Variants in GRIA4 observed in about 807,000 individuals in gnomAD.
The protein encoded by GRIA4 is glutamate ionotropic receptor AMPA type subunit 4.
GRIA4 carries 34 observed loss-of-function variants against 104.0 expected under a neutral mutation model. The observed-to-expected ratio is 0.33, with a 90% CI of 0.25 to 0.44. GRIA4 has a LOEUF of 0.44. Ranked by LOEUF, GRIA4 falls within the 20% of genes least tolerant of loss-of-function variation. GRIA4 has a pLI of 1.00. For missense variants in GRIA4, 750 were observed against 1,096.5 expected, an observed-to-expected ratio of 0.68 and a Z score of 4.46; for synonymous variants, 386 against 381.9, an observed-to-expected ratio of 1.01 and a Z score of -0.13.
intron 4 of GRIA4, among the ~76,000 whole-genome samples, chr11:105,759,587 C>G (rs1940505156): frequency 6.6e-6 from 1 of 151,950 alleles, no homozygotes; most frequent in South Asian, 2.1e-4. Flanking sequence ...ATTGTTTCTT[C>G]CATCTCATTT....
intron 4 of GRIA4, among the ~76,000 whole-genome samples, chr11:105,768,312 AAC>A (rs1461796102): frequency 2.6e-5 from 4 of 152,148 alleles, no homozygotes; most frequent in Non-Finnish European, 4.4e-5. Flanking sequence ...TCTAAAAAAA[AAC>A]ATCTGTGTAT....
chr11:105,787,732 A>C (rs1195908017), intron 4 of GRIA4, among the ~76,000 whole-genome samples: 1 of 152,116 alleles, frequency 6.6e-6, no homozygotes, highest in Non-Finnish European at 1.5e-5. Context: ...CGAGTTCAGA[A>C]ACAAGAGAGC....
chr11:105,628,331 A>G (rs767470070), intron 3 of GRIA4, among the ~76,000 whole-genome samples: 7 of 152,198 alleles, frequency 4.6e-5, no homozygotes, highest in Admixed American at 1.3e-4. Flanking sequence ...TATGCATCAT[A>G]TATCAGATCT....
At chr11:105,963,292 T>C (rs1423592116) in intron 14 of GRIA4, among the ~76,000 whole-genome samples, 1 of 152,136 alleles carries the variant, frequency 6.6e-6, no homozygotes. Flanking sequence ...TTCTATAAAA[T>C]AGAACAGATG....
intron 6 of GRIA4, among the ~76,000 whole-genome samples, chr11:105,894,016 GAAAT>G (rs1486699273): frequency 6.6e-6 from 1 of 152,164 alleles, no homozygotes; most frequent in Non-Finnish European, 1.5e-5. Flanking sequence ...TAATAGGCAT[GAAAT>G]AAATATCTGT....
chr11:105,904,539 T>C (rs183053251), intron 8 of GRIA4, among the ~76,000 whole-genome samples: 4 of 152,310 alleles, frequency 2.6e-5, no homozygotes, highest in Non-Finnish European at 4.4e-5. Context: ...AAATAATGAC[T>C]ACCTCTGGAG....
At chr11:105,875,844 T>C (rs556898488) in intron 5 of GRIA4, among the ~76,000 whole-genome samples, 1 of 151,860 alleles carries the variant, frequency 6.6e-6, no homozygotes, top group South Asian at 2.1e-4. Flanking sequence ...ATCTATTTTG[T>C]TAATCTTTTA....
intron 5 of GRIA4, among the ~76,000 whole-genome samples, chr11:105,886,493 C>A (rs1004179710): frequency 4.6e-5 from 7 of 151,592 alleles, no homozygotes; most frequent in African/African-American, 9.7e-5. Flanking sequence ...CCCTCCCACC[C>A]CCACTACCCT....
chr11:105,920,397 C>T (rs1947526737), intron 11 of GRIA4, among the ~76,000 whole-genome samples: 1 of 152,142 alleles, frequency 6.6e-6, no homozygotes, highest in Non-Finnish European at 1.5e-5. Flanking sequence ...GTTGGAACTA[C>T]TGTAATTCAT....
chr11:105,907,304 G>A (rs1204378403), intron 9 of GRIA4, among the ~76,000 whole-genome samples: 2 of 152,096 alleles, frequency 1.3e-5, no homozygotes, highest in Non-Finnish European at 2.9e-5. Flanking sequence ...AGTATAAAAT[G>A]GTGTAGACTC....
At chr11:105,622,745 G>A (rs1452230855) in intron 3 of GRIA4, among the ~76,000 whole-genome samples, 1 of 151,654 alleles carries the variant, frequency 6.6e-6, no homozygotes, top group Admixed American at 6.6e-5. Context: ...TGTATAGATT[G>A]TGTAGTGATG....
At chr11:105,615,767 G>C (rs1466517934) in intron 3 of GRIA4, among the ~76,000 whole-genome samples, 4 of 151,790 alleles carry the variant, frequency 2.6e-5, no homozygotes, top group African/African-American at 9.6e-5. Context: ...TAACCCAAAA[G>C]CTGGCTGTTT....
intron 3 of GRIA4, among the ~76,000 whole-genome samples, chr11:105,738,373 C>A (rs116985652): frequency 6.8e-6 from 1 of 148,056 alleles, no homozygotes; most frequent in African/African-American, 2.5e-5. Flanking sequence ...ATGTGCCAAG[C>A]GTTAGGCTGA....
chr11:105,797,995 CT>C (rs1443051199), intron 4 of GRIA4: 2 of 350,000 alleles, frequency 5.7e-6, no homozygotes, highest in Non-Finnish European at 1.1e-5. Flanking sequence ...TATTGAGCAC[CT>C]ACTATGTGCC....
intron 14 of GRIA4, chr11:105,966,189 G>A (rs894263066): frequency 3.7e-5 from 24 of 642,324 alleles, no homozygotes; most frequent in African/African-American, 2.6e-4. Flanking sequence ...GCAAACTTAC[G>A]TATGCAGTTA....
intron 3 of GRIA4, among the ~76,000 whole-genome samples, chr11:105,712,844 A>T (rs1953959823): frequency 6.6e-6 from 1 of 152,008 alleles, no homozygotes; most frequent in Non-Finnish European, 1.5e-5. Context: ...GTATGAGCCC[A>T]ATGTGGAAAA....
At chr11:105,939,293 C>G (rs1022117926) in intron 14 of GRIA4, among the ~76,000 whole-genome samples, 1 of 152,146 alleles carries the variant, frequency 6.6e-6, no homozygotes, top group Non-Finnish European at 1.5e-5. Flanking sequence ...GCCTTTTGCT[C>G]TCCTTACCAC....
At chr11:105,973,004 A>G (rs560195416) in intron 15 of GRIA4, among the ~76,000 whole-genome samples, 1 of 152,316 alleles carries the variant, frequency 6.6e-6, no homozygotes, top group South Asian at 2.1e-4. Context: ...TTATCCCTAT[A>G]TTTTAATCAT....
intron 4 of GRIA4, among the ~76,000 whole-genome samples, chr11:105,851,312 G>A (rs1436898683): frequency 2.0e-5 from 3 of 152,102 alleles, no homozygotes; most frequent in African/African-American, 7.2e-5. Context: ...ATAAAAGCTA[G>A]TCTCATACTT....
Sources: gnomAD v4.1 joint callset for allele counts (sites outside exome capture counted in the v4.1 genomes callset) on GRCh38, gnomAD v4.1.1 for gene constraint, MANE v1.5 for transcripts, NCBI Gene and HGNC (gene_info 2026-07-23, HGNC 2026-07-21) for gene names.